The following ZDHHC15 variants were observed in gnomAD, a reference collection of about 807,000 sequenced individuals.
ZDHHC15 encodes palmitoyltransferase ZDHHC15.
Under a neutral mutation model 31.7 loss-of-function variants are expected in ZDHHC15, and 19 were observed. The ratio of observed to expected loss-of-function variants is 0.60; its 90% CI spans 0.42 to 0.88. The LOEUF is 0.88. Among genes scored for constraint, ZDHHC15 ranks in the 40% least tolerant of loss-of-function variants. The probability of loss-of-function intolerance (pLI) is 0.00; values close to 1 mark genes in which losing one functional copy is unlikely to be tolerated. For synonymous variants in ZDHHC15, 103 were observed against 90.0 expected (o/e 1.14, Z -0.82); for missense variants, 209 against 251.2 (o/e 0.83, Z 1.14).
At chrX:75,497,673 A>G (rs1422614944) in intron 2 of ZDHHC15, among the ~76,000 whole-genome samples, 2 of 111,961 alleles carry the variant, frequency 1.8e-5, no homozygotes, top group Non-Finnish European at 3.8e-5. Context: ...CTAGTTTAAC[A>G]TACGCAAGCA....
intron 10 of ZDHHC15, among the ~76,000 whole-genome samples, chrX:75,401,761 A>C (rs992348342): frequency 8.9e-6 from 1 of 112,256 alleles, no homozygotes; most frequent in Non-Finnish European, 1.9e-5. Context: ...AGAGATGTAC[A>C]AAGAGACAGA....
intron 2 of ZDHHC15, among the ~76,000 whole-genome samples, chrX:75,488,765 G>T (rs1449992936): frequency 8.9e-6 from 1 of 111,925 alleles, no homozygotes; most frequent in Admixed American, 9.5e-5. Flanking sequence ...AGTGGGTGCA[G>T]TGCACCAAGC....
intron 10 of ZDHHC15, among the ~76,000 whole-genome samples, chrX:75,402,180 C>T (rs1179920981): frequency 8.9e-6 from 1 of 112,043 alleles, no homozygotes; most frequent in Non-Finnish European, 1.9e-5. Context: ...TTAAGTAGTT[C>T]TTTGAAAATA....
intron 1 of ZDHHC15, among the ~76,000 whole-genome samples, chrX:75,508,458 C>G (rs1184192354): frequency 9.2e-6 from 1 of 108,157 alleles, no homozygotes; most frequent in Non-Finnish European, 1.9e-5. Context: ...TCATCCATGT[C>G]CCTACAAAGG....
Position 75,427,461 on chromosome X carries a change from G to T in ZDHHC15, c.603+1617C>A, listed in dbSNP as rs1281098741. Among the ~76,000 whole-genome samples the T allele has an allele frequency of 3.6e-5, 4 of 111,530 alleles. No individual in the cohort carries two copies. The Admixed American group carries it at 3.8e-4, about 11-fold the overall frequency. On this transcript the variant is annotated intron_variant, in intron 7 of 11. Coordinates refer to ENST00000373367, the MANE Select transcript of ZDHHC15 (RefSeq NM_144969.3). ...GTGACATTTGATTATTGGCTGACTA[G>T]GTGGGCTAAAGGCAAAATGTGTGAA...
intron 2 of ZDHHC15, among the ~76,000 whole-genome samples, chrX:75,491,398 T>C (rs2084888406): frequency 9.9e-6 from 1 of 100,667 alleles, no homozygotes; most frequent in Admixed American, 1.2e-4. Flanking sequence ...ACACCGCATA[T>C]TCTCACTCAT....
At chrX:75,506,824 G>A (rs1171186226) in intron 1 of ZDHHC15, among the ~76,000 whole-genome samples, 1 of 112,013 alleles carries the variant, frequency 8.9e-6, no homozygotes, top group Non-Finnish European at 1.9e-5. Flanking sequence ...AGAAAGCATA[G>A]TTTCTTGGAG....
At position 75,420,108 on chromosome X, in the gene ZDHHC15, G is replaced by GA. The variant is rs201148310; in HGVS notation, c.863+1755dup. On this transcript the variant is annotated intron_variant, in intron 9 of 11. Transcript: ENST00000373367. ...AAAGCTTAAAGTATAATAAAAAAAA[G>GA]AAAAAACCAAACAACCCCATCAAAA... 3.4e-4 allele frequency among the ~76,000 whole-genome samples: 38 copies of GA among 110,401 alleles called. No individual in the cohort carries two copies. The East Asian group carries it at 9.5e-3, about 28-fold the overall frequency.
chrX:75,499,963 G>A (rs940456377), intron 2 of ZDHHC15, among the ~76,000 whole-genome samples: 1 of 111,684 alleles, frequency 9.0e-6, no homozygotes, highest in Non-Finnish European at 1.9e-5. Flanking sequence ...GCCATTAAAA[G>A]GAATAAGATA....
At position 75,450,833 on chromosome X, in the gene ZDHHC15, C is replaced by A; in HGVS notation, c.348G>T (p.Lys116Asn). Residue 116 changes from lysine (K) to asparagine (N), a missense_variant, in exon 4 of 12, where the codon AAG (lysine) becomes AAT (asparagine). Lys to Asn is a moderately conservative substitution (Grantham distance 94). Transcript: ENST00000373367. ...QKQMLVDMAK[K>N]LPVYTRTGSG... ...TTCCAGTTCTTGTGTAAACCGGTAG[C>A]TTTTTGGCCATATCAACAAGCATCT... 8.3e-7 allele frequency: 1 copy of A among 1,210,833 alleles called. No individual in the cohort carries two copies. The highest frequency in any genetic ancestry group is 1.1e-6 in the Non-Finnish European group (1 of 894,992).
At chrX:75,443,319 C>G (rs768712012) in intron 4 of ZDHHC15, among the ~76,000 whole-genome samples, 2 of 110,864 alleles carry the variant, frequency 1.8e-5, no homozygotes, top group South Asian at 7.7e-4. Flanking sequence ...TGCCACACAT[C>G]TACAACTATC....
Position 75,370,243 on chromosome X carries a change from T to C in ZDHHC15, c.*2735A>G, listed in dbSNP as rs1482404787. The C allele has an allele frequency of 1.8e-5, 2 of 110,936 alleles. No homozygotes were observed. The allele number at this position is 110,936 out of a possible 1,213,427, so 9.1% of individuals were successfully genotyped here. A position where few individuals can be genotyped will look rare whatever the true frequency, so the allele number is the denominator to read the frequency against. ...TCATTTTGCAAACGGAGAAAATGAG[T>C]ATCAACAATTAGGGAATGAGATTCC... On this transcript the variant is annotated 3_prime_UTR_variant, in exon 12 of 12. Transcript: ENST00000373367.
chrX:75,480,903 C>A (rs1602700800), intron 2 of ZDHHC15, among the ~76,000 whole-genome samples: 1 of 111,244 alleles, frequency 9.0e-6, no homozygotes, highest in Admixed American at 9.6e-5. Flanking sequence ...GTAGATACTG[C>A]CAAACTGCCA....
intron 3 of ZDHHC15, among the ~76,000 whole-genome samples, chrX:75,452,856 T>A (rs374641478): frequency 9.0e-6 from 1 of 111,651 alleles, no homozygotes; most frequent in Non-Finnish European, 1.9e-5. Flanking sequence ...CACAACATAC[T>A]AGAATCTCTG....
intron 1 of ZDHHC15, among the ~76,000 whole-genome samples, chrX:75,517,411 A>G (rs1018804533): frequency 4.5e-5 from 5 of 110,100 alleles, no homozygotes; most frequent in African/African-American, 1.7e-4. Context: ...GCATCCATAA[A>G]AAAGGATGAG....
chrX:75,414,901 G>C (rs2083531811), intron 10 of ZDHHC15, among the ~76,000 whole-genome samples: 2 of 107,913 alleles, frequency 1.9e-5, no homozygotes, highest in Admixed American at 2.0e-4. Flanking sequence ...GAGTAGCTGG[G>C]ATTACAGGTG....
rs369020588 is a variant in ZDHHC15 at position 75,456,199 on chromosome X, T to C, written c.259-5277A>G. 2.0e-4 allele frequency among the ~76,000 whole-genome samples: 22 copies of C among 111,371 alleles called. 1 individual carries two copies. In the East Asian group the frequency reaches 4.0e-3, roughly 20 times the overall value. On this transcript the variant is annotated intron_variant, in intron 3 of 11. Coordinates refer to ENST00000373367, the MANE Select transcript of ZDHHC15 (RefSeq NM_144969.3). The stretch of plus-strand genomic sequence containing the variant: ...TAAAAAAGGATGAGTTCATGTCCTT[T>C]GTAGCAACATCGATGAAGCTGGAAA...
Position 75,403,890 on chromosome X carries a change from T to C in ZDHHC15, c.967+13197A>G, listed in dbSNP as rs186724967. On this transcript the variant is annotated intron_variant, in intron 10 of 11. Coordinates refer to ENST00000373367, the MANE Select transcript of ZDHHC15 (RefSeq NM_144969.3). ...CTAGACAAATGTTTTAAAATTCTCATGGAAGCAAAAACGAGCCTGAATAGC... is the reference window on the plus strand; with the variant it reads ...CTAGACAAATGTTTTAAAATTCTCACGGAAGCAAAAACGAGCCTGAATAGC... Among the ~76,000 whole-genome samples the C allele has an allele frequency of 1.4e-4, 16 of 111,851 alleles. No homozygotes were observed. The East Asian group carries it at 4.5e-3, about 31-fold the overall frequency.
chrX:75,495,319 T>C (rs2084974539), intron 2 of ZDHHC15, among the ~76,000 whole-genome samples: 1 of 111,651 alleles, frequency 9.0e-6, no homozygotes, highest in Non-Finnish European at 1.9e-5. Flanking sequence ...AGGAACACTT[T>C]TACACTATTG....
Sources: allele counts gnomAD v4.1 joint callset (sites outside exome capture counted in the v4.1 genomes callset), GRCh38; gene constraint gnomAD v4.1.1; transcripts MANE v1.5; gene names NCBI Gene and HGNC (gene_info 2026-07-23, HGNC 2026-07-21).